Variants in KIR2DL1 observed in about 807,000 individuals in gnomAD.
KIR2DL1 encodes the protein killer cell immunoglobulin-like receptor 2DL1.
KIR2DL1 carries 38 observed loss-of-function variants against 33.9 expected under a neutral mutation model. The observed-to-expected ratio is 1.12, with a 90% CI of 0.86 to 1.47. The LOEUF is 1.47. Ranked by LOEUF, KIR2DL1 falls within the 40% of genes most tolerant of loss-of-function variation. KIR2DL1 has a pLI of 0.00. For missense variants in KIR2DL1, 531 were observed against 433.9 expected (o/e 1.22, Z -1.99); for synonymous variants, 179 against 165.9 (o/e 1.08, Z -0.61).
Position 54,782,457 on chromosome 19 carries a change from G to A in KIR2DL1, c.716-465G>A, listed in dbSNP as rs1472768536. ...CTCTGGCAGAAGGGAAGGAGGGTCT[G>A]TCTGTGCAGAGACCACAGAGATCAC... On this transcript the variant is annotated intron_variant, in intron 5 of 7. Coordinates refer to ENST00000336077, the MANE Select transcript of KIR2DL1 (RefSeq NM_014218.3). Among the ~76,000 whole-genome samples the A allele has an allele frequency of 3.5e-3, 536 of 151,942 alleles. 8 individuals are homozygous for A. The highest frequency in any genetic ancestry group is 6.8e-3 in the Middle Eastern group (2 of 294).
At chr19:54,773,671 T>G in intron 3 of KIR2DL1, 39 bp downstream of exon 3, 1 of 1,478,116 alleles carries the variant, frequency 6.8e-7, no homozygotes, top group Non-Finnish European at 9.3e-7. Flanking sequence ...GTCATTGGGA[T>G]GCAGAGTGAA....
In KIR2DL1 at chr19:54,774,556, G is replaced by C. The variant is rs1022735438; in HGVS notation, c.371-609G>C. ...TAAATAGGTAGATGATAGATAATAG[G>C]TTATAGATACATAGATGATGATTGA... On this transcript the variant is annotated intron_variant, in intron 3 of 7. Transcript: ENST00000336077. 4.1e-5 allele frequency among the ~76,000 whole-genome samples: 6 copies of C among 148,080 alleles called. No individual in the cohort carries two copies. The South Asian group carries it at 1.1e-3, about 26-fold the overall frequency.
At chr19:54,770,530 T>A (rs2075568645) in intron 1 of KIR2DL1, among the ~76,000 whole-genome samples, 2 of 142,800 alleles carry the variant, frequency 1.4e-5, no homozygotes, top group South Asian at 4.5e-4. Flanking sequence ...GGATTGGAGA[T>A]ATGGGCCCAG....
At position 54,773,211 on chromosome 19, in the gene KIR2DL1, T is replaced by C; in HGVS notation, c.71-122T>C. 9 of 1,183,568 alleles carry C rather than the reference T, an allele frequency of 7.6e-6. No homozygotes were observed. The South Asian group carries it at 1.3e-4, about 17-fold the overall frequency. 73.3% of individuals were successfully genotyped at this position (1,183,568 alleles called of 1,614,324 possible). On this transcript the variant is annotated intron_variant, in intron 2 of 7. Transcript: ENST00000336077. ...GGAGTTATGGGCACAGAAAAGAACA[T>C]GAAGACACAGAGAGGAAGGAGAGAG...
chr19:54,781,313 C>T (rs1329704801), intron 5 of KIR2DL1, among the ~76,000 whole-genome samples: 4 of 149,180 alleles, frequency 2.7e-5, no homozygotes, highest in South Asian at 2.1e-4. Context: ...GGCAATGAGC[C>T]TAAAACCTCT....
intron 6 of KIR2DL1, 85 bp from the exon 7 acceptor site, chr19:54,783,401 C>T (rs1600899071): frequency 1.3e-6 from 2 of 1,490,798 alleles, no homozygotes; most frequent in African/African-American, 1.4e-5. Context: ...CACCTATGGT[C>T]TCCCCCTGTA....
intron 5 of KIR2DL1, among the ~76,000 whole-genome samples, chr19:54,781,869 C>T (rs1225329090): frequency 2.0e-5 from 3 of 151,848 alleles, no homozygotes; most frequent in Non-Finnish European, 3.0e-5. Context: ...CCCTAAAGCA[C>T]ATTCGCTGTG....
chr19:54,773,742 G>C (rs2076033552), intron 3 of KIR2DL1, 110 bp downstream of exon 3: 1 of 1,206,558 alleles, frequency 8.3e-7, no homozygotes, highest in Middle Eastern at 2.8e-4. Flanking sequence ...TTCTTATGGA[G>C]AGAGACTGAC....
At chr19:54,770,766 C>T in intron 1 of KIR2DL1, 83 bp from the exon 2 acceptor site, 3 of 1,535,290 alleles carry the variant, frequency 2.0e-6, no homozygotes, top group South Asian at 1.1e-5. Context: ...GGCCTGGCTA[C>T]CAAGACTCAC....
At chr19:54,775,967 C>T (rs1371605906) in intron 4 of KIR2DL1, among the ~76,000 whole-genome samples, 1 of 146,654 alleles carries the variant, frequency 6.8e-6, no homozygotes, top group African/African-American at 2.5e-5. Flanking sequence ...TCTCAGCTCA[C>T]TGCAACCTCC....
chr19:54,775,331 A>T lies in KIR2DL1; in HGVS notation c.537A>T (p.Gly179=). The change falls in exon 4 of 8, where the codon GGA becomes GGT. Residue 179 remains glycine, a synonymous_variant. Transcript: ENST00000336077. ...RRLPAGPKVN[G]TFQADFPLGP... ...TCCCTGCAGGGCCCAAGGTCAACGGAACATTCCAGGCTGACTTTCCTCTGG... is the reference window on the plus strand; with the variant it reads ...TCCCTGCAGGGCCCAAGGTCAACGGTACATTCCAGGCTGACTTTCCTCTGG... 1 of 1,582,268 alleles carries T rather than the reference A, an allele frequency of 6.3e-7. No individual in the cohort carries two copies. Among genetic ancestry groups the T allele is most frequent in the Non-Finnish European group, 8.7e-7 (1 of 1,154,082 alleles).
At chr19:54,772,664 C>G (rs1045158187) in intron 2 of KIR2DL1, among the ~76,000 whole-genome samples, 1 of 144,724 alleles carries the variant, frequency 6.9e-6, no homozygotes, top group African/African-American at 2.5e-5. Context: ...CTAGACCACA[C>G]CACTTCACTC....
intron 4 of KIR2DL1, among the ~76,000 whole-genome samples, chr19:54,776,859 C>G (rs1600785955): frequency 2.0e-5 from 3 of 147,430 alleles, no homozygotes; most frequent in Admixed American, 1.4e-4. Context: ...CTGGGCTGCT[C>G]TCAAACTCAT....
Position 54,783,753 on chromosome 19 carries a change from C to G in KIR2DL1, c.987C>G (p.Ile329Met). The change falls in exon 8 of 8, where the codon ATC (isoleucine) becomes ATG (methionine). Residue 329 changes from isoleucine to methionine, a missense_variant. Ile to Met is a conservative substitution (Grantham distance 10). Transcript: ENST00000336077. ...SQRPKTPPTDIIVYTELPNAE... is the reference protein window; with the variant it reads ...SQRPKTPPTDMIVYTELPNAE... ...GGCCCAAGACACCCCCAACAGATAT[C>G]ATCGTGTACACGGAACTTCCAAATG... 4 of 1,614,004 alleles carry G rather than the reference C, an allele frequency of 2.5e-6. No individual in the cohort carries two copies. The highest frequency in any genetic ancestry group is 3.4e-6 in the Non-Finnish European group (4 of 1,179,968).
intron 2 of KIR2DL1, 59 bp from the exon 3 acceptor site, chr19:54,773,274 G>C: frequency 6.6e-7 from 1 of 1,504,490 alleles, no homozygotes; most frequent in South Asian, 1.2e-5. Flanking sequence ...CTCAATCCAG[G>C]TGCCATGGAT....
rs562005125 is a variant in KIR2DL1, at chr19:54,782,812, T to G, written c.716-110T>G. 16 of 1,185,102 alleles carry G rather than the reference T, an allele frequency of 1.4e-5. No individual in the cohort carries two copies. The African/African-American group carries it at 2.2e-4, about 17-fold the overall frequency. 73.4% of individuals were successfully genotyped at this position (1,185,102 alleles called of 1,614,324 possible). A position where few individuals can be genotyped will look rare whatever the true frequency, so the allele number is the denominator to read the frequency against. On this transcript the variant is annotated intron_variant, in intron 5 of 7. Coordinates refer to ENST00000336077, the MANE Select transcript of KIR2DL1 (RefSeq NM_014218.3). ...CTGGGTCTCCTGCCATCTGGGTGCT[T>G]GTCCTAAAGAGGTGTTTTATGTGGT...
Position 54,775,320 on chromosome 19 carries a change from A to T in KIR2DL1, c.526A>T (p.Lys176Ter), listed in dbSNP as rs781738613. ...AHERRLPAGP[K>*]VNGTFQADFP... ...TGAACGTAGGCTCCCTGCAGGGCCC[A>T]AGGTCAACGGAACATTCCAGGCTGA... The change falls in exon 4 of 8, where the codon AAG becomes TAG. Residue 176 changes from lysine (K) to a stop codon, truncating the protein, a stop_gained. Transcript: ENST00000336077. LOFTEE classifies it high-confidence loss of function. The T allele has an allele frequency of 2.5e-6, 4 of 1,569,514 alleles. 1 individual carries two copies. The highest frequency in any genetic ancestry group is 3.5e-6 in the Non-Finnish European group (4 of 1,147,108).
chr19:54,783,243 A>G (rs1393607465), intron 6 of KIR2DL1, among the ~76,000 whole-genome samples: 3 of 151,564 alleles, frequency 2.0e-5, no homozygotes, highest in East Asian at 1.9e-4. Context: ...CCCTGCAGCC[A>G]CTCACATCCA....
chr19:54,777,609 C>T (rs1406448585), intron 4 of KIR2DL1, among the ~76,000 whole-genome samples: 1 of 148,880 alleles, frequency 6.7e-6, no homozygotes, highest in African/African-American at 2.5e-5. Context: ...TATTTGCTCC[C>T]AATCTGTGGG....
Sources: allele counts gnomAD v4.1 joint callset (sites outside exome capture counted in the v4.1 genomes callset), GRCh38; gene constraint gnomAD v4.1.1; transcripts MANE v1.5; gene names NCBI Gene and HGNC (gene_info 2026-07-23, HGNC 2026-07-21).